The following BCAS4 variants were observed in gnomAD, a reference collection of about 807,000 sequenced individuals.
The protein encoded by BCAS4 is breast carcinoma-amplified sequence 4.
In BCAS4, 9 loss-of-function variants were observed where a neutral mutation model predicts 15.7. The ratio of observed to expected loss-of-function variants is 0.57; its 90% CI spans 0.34 to 1.00. BCAS4 has a LOEUF of 1.00. Among genes scored for constraint, BCAS4 ranks in the 50% least tolerant of loss-of-function variants. The pLI is 0.02. For missense variants in BCAS4, 225 were observed against 239.1 expected (o/e 0.94, Z 0.39); for synonymous variants, 101 against 99.5 (o/e 1.02, Z -0.09).
chr20:50,881,870 A>G (rs1980122685), downstream of BCAS4: 1 of 152,240 alleles, frequency 6.6e-6, no homozygotes, highest in South Asian at 2.1e-4. Context: ...CATGTTGGCC[A>G]GGCTGGTCTC....
chr20:50,803,819 A>AG (rs1491583681), intron 1 of BCAS4, among the ~76,000 whole-genome samples: 13 of 150,214 alleles, frequency 8.7e-5, no homozygotes, highest in East Asian at 1.9e-4. Flanking sequence ...AAAAAAAAAA[A>AG]AGAGAGAGAA....
intron 4 of BCAS4, among the ~76,000 whole-genome samples, chr20:50,863,747 A>T (rs1199334081): frequency 6.6e-6 from 1 of 152,176 alleles, no homozygotes; most frequent in Non-Finnish European, 1.5e-5. Context: ...TGGAGGTTGG[A>T]CACTGACTGC....
intron 4 of BCAS4, among the ~76,000 whole-genome samples, chr20:50,865,072 G>A (rs8114757): frequency 0.17 from 26,551 of 152,064 alleles, 2,363 homozygotes; most frequent in Non-Finnish European, 0.19. Context: ...CAGCCTGGGC[G>A]ACAGAGCAAG....
chr20:50,832,504 C>T (rs111439880), intron 3 of BCAS4, among the ~76,000 whole-genome samples: 1,667 of 152,124 alleles, frequency 0.011, 34 homozygotes, highest in African/African-American at 0.039. Context: ...GAGATCTGCC[C>T]GCCTCAGCCT....
At chr20:50,842,395 G>T (rs183291675) in intron 4 of BCAS4, among the ~76,000 whole-genome samples, 6 of 152,300 alleles carry the variant, frequency 3.9e-5, no homozygotes, top group Non-Finnish European at 2.9e-5. Context: ...CCGTGGCCCC[G>T]CAAGGAAGGA....
At chr20:50,825,182 T>C (rs1488472464) in intron 2 of BCAS4, among the ~76,000 whole-genome samples, 1 of 152,222 alleles carries the variant, frequency 6.6e-6, no homozygotes. Flanking sequence ...GTGTGCTCTG[T>C]TGGTATCGTG....
intron 4 of BCAS4, among the ~76,000 whole-genome samples, chr20:50,853,799 G>A (rs1160809049): frequency 1.5e-5 from 2 of 133,718 alleles, no homozygotes; most frequent in Non-Finnish European, 3.1e-5. Flanking sequence ...TACTGGGGAT[G>A]TTTTGTGTAC....
At chr20:50,840,709 T>A (rs1041206527) in intron 3 of BCAS4, 4 of 1,612,818 alleles carry the variant, frequency 2.5e-6, no homozygotes, top group East Asian at 4.5e-5. Context: ...TTTCGACTTA[T>A]CGAATTTCTC....
In BCAS4 at chr20:50,839,853, G is replaced by A. The variant is rs1383958591; in HGVS notation, c.265-1913G>A. ...TCCCCATTTTTCAGATAATAAAATG[G>A]AGGCTGATAGAAGTTAAGTAACTTG... On this transcript the variant is annotated intron_variant, in intron 3 of 4. Coordinates refer to ENST00000371608, the MANE Select transcript of BCAS4 (RefSeq NM_198799.4). Among the ~76,000 whole-genome samples the A allele has an allele frequency of 4.6e-5, 7 of 152,158 alleles. No homozygotes were observed. The East Asian group carries it at 1.2e-3, about 25-fold the overall frequency.
intron 4 of BCAS4, 77 bp downstream of exon 4, chr20:50,841,977 T>C (rs2123808343): frequency 6.8e-7 from 1 of 1,466,536 alleles, no homozygotes; most frequent in South Asian, 1.4e-5. Context: ...GGGAGGAGCA[T>C]GCAGGAAGCA....
rs557120406 is a variant in BCAS4, at chr20:50,858,267, A to G, written c.399+16367A>G. Among the ~76,000 whole-genome samples, 29 of 152,300 alleles carry G rather than the reference A, an allele frequency of 1.9e-4. No homozygotes were observed. In the South Asian group the frequency reaches 5.0e-3, roughly 26 times the overall value. ...ATATAACTTACATACATCCTTCCAT[A>G]TACTCTAAATCATCTCTAGATTACT... On this transcript the variant is annotated intron_variant, in intron 4 of 4. Coordinates refer to ENST00000371608, the MANE Select transcript of BCAS4 (RefSeq NM_198799.4).
downstream of BCAS4, chr20:50,879,631 T>A (rs1980078527): frequency 6.6e-6 from 1 of 152,156 alleles, no homozygotes; most frequent in African/African-American, 2.4e-5. Flanking sequence ...GGCTTCTTTC[T>A]CCTCCCAGCC....
Position 50,830,296 on chromosome 20 carries a change from A to C in BCAS4, c.180A>C (p.Ser60=), listed in dbSNP as rs1020206700. The C allele has an allele frequency of 2.5e-6, 4 of 1,613,962 alleles. No homozygotes were observed. Among genetic ancestry groups the C allele is most frequent in the Non-Finnish European group, 3.4e-6 (4 of 1,179,868 alleles). Residue 60 remains serine, a synonymous_variant, in exon 3 of 5, where the codon TCA becomes TCC. Coordinates refer to ENST00000371608, the MANE Select transcript of BCAS4 (RefSeq NM_198799.4). ...CCTTGCAGATCAGGAGTGATACTTC[A>C]CAGATCCTGGAGGAAAACATCCCAG... ...SLADLIRSDT[S]QILEENIPVL... is the part of the protein sequence containing the mutation.
At chr20:50,871,970 C>G (rs1281103349) in intron 4 of BCAS4, among the ~76,000 whole-genome samples, 1 of 152,134 alleles carries the variant, frequency 6.6e-6, no homozygotes, top group East Asian at 1.9e-4. Flanking sequence ...TTAGAAAAAT[C>G]AAGATGCAGC....
chr20:50,814,390 ACCCT>A (rs1410308772), intron 1 of BCAS4, among the ~76,000 whole-genome samples: 1 of 152,048 alleles, frequency 6.6e-6, no homozygotes, highest in Non-Finnish European at 1.5e-5. Flanking sequence ...GGCCCAAGTG[ACCCT>A]CCCAACCTCA....
At chr20:50,812,234 G>A (rs1440300611) in intron 1 of BCAS4, among the ~76,000 whole-genome samples, 1 of 149,762 alleles carries the variant, frequency 6.7e-6, no homozygotes. Context: ...CTGGGTTCAC[G>A]CCATTCTCCT....
intron 1 of BCAS4, among the ~76,000 whole-genome samples, chr20:50,801,605 T>C (rs1002104918): frequency 6.6e-6 from 1 of 151,990 alleles, no homozygotes; most frequent in South Asian, 2.1e-4. Context: ...CCTCCCAAAG[T>C]GTTGGAATTA....
chr20:50,862,319 T>C (rs997107125), intron 4 of BCAS4, among the ~76,000 whole-genome samples: 4 of 152,200 alleles, frequency 2.6e-5, no homozygotes, highest in African/African-American at 9.6e-5. Flanking sequence ...TGTCTCATGA[T>C]GTTCATCTCT....
intron 4 of BCAS4, among the ~76,000 whole-genome samples, chr20:50,869,376 C>A (rs1040039636): frequency 6.6e-6 from 1 of 152,140 alleles, no homozygotes; most frequent in African/African-American, 2.4e-5. Context: ...TGGGGCAGAC[C>A]CTGGACAACC....
Sources: gnomAD v4.1 joint callset for allele counts (sites outside exome capture counted in the v4.1 genomes callset) on GRCh38, gnomAD v4.1.1 for gene constraint, MANE v1.5 for transcripts, NCBI Gene and HGNC (gene_info 2026-07-23, HGNC 2026-07-21) for gene names.